Variants in EVL observed in about 807,000 individuals in gnomAD.
EVL encodes the protein Enah/Vasp-like.
A neutral mutation model predicts 59.6 loss-of-function variants in EVL; 21 were observed. That is an observed-to-expected ratio of 0.35 (90% CI 0.25 to 0.51). The LOEUF (loss-of-function observed/expected upper bound fraction) is 0.51, where lower values mean the gene tolerates loss of function less well. Among genes scored for constraint, EVL ranks in the 20% least tolerant of loss-of-function variants. EVL has a pLI of 0.97. For synonymous variants in EVL, 198 were observed against 203.5 expected (o/e 0.97, Z 0.23); for missense variants, 462 against 546.6 (o/e 0.85, Z 1.54).
chr14:100,137,398 A>T (rs2295858), intron 9 of EVL, 180 bp from the exon 10 acceptor site: 41,317 of 629,854 alleles, frequency 0.066, 2,598 homozygotes, highest in African/African-American at 0.23. Context: ...AACCTGACCT[A>T]GGCCATGGGG....
upstream of EVL, among the ~76,000 whole-genome samples, chr14:100,062,482 C>T (rs1813911275): frequency 6.6e-6 from 1 of 151,186 alleles, no homozygotes; most frequent in African/African-American, 2.4e-5. Flanking sequence ...AAATGGAATT[C>T]TGAAAAGTAT....
chr14:100,068,461 T>C (rs1276134030), intron 1 of EVL, among the ~76,000 whole-genome samples: 1 of 152,088 alleles, frequency 6.6e-6, no homozygotes, highest in Non-Finnish European at 1.5e-5. Flanking sequence ...GGGAAAGACA[T>C]CTCATAGAAG....
In EVL at chr14:99,971,704, C is replaced by G. The variant is rs533578324; in HGVS notation, c.-349C>G. Reference sequence around the variant, plus strand: ...CCCGAGTCTCAGGCGGACGCGCACGCGTTCCCGCCGCCCGGACCCCAGCCG... The same window carrying G: ...CCCGAGTCTCAGGCGGACGCGCACGGGTTCCCGCCGCCCGGACCCCAGCCG... On this transcript the variant is annotated 5_prime_UTR_variant, in exon 1 of 14. Transcript: ENST00000402714. 8 of 149,298 alleles carry G rather than the reference C, an allele frequency of 5.4e-5. No individual in the cohort carries two copies. The South Asian group carries it at 1.7e-3, about 31-fold the overall frequency. The allele number at this position is 149,298 out of a possible 1,614,324, so 9.2% of individuals were successfully genotyped here.
chr14:100,103,166 T>C (rs1204709046), intron 3 of EVL, among the ~76,000 whole-genome samples: 1 of 147,360 alleles, frequency 6.8e-6, no homozygotes, highest in East Asian at 2.0e-4. Flanking sequence ...TAAGAGGTTG[T>C]CATTTTATAT....
chr14:100,041,799 CTGTTTTTTATTTGTGTGCCAA>C (rs2061471562), intron 1 of EVL, among the ~76,000 whole-genome samples: 1 of 152,136 alleles, frequency 6.6e-6, no homozygotes, highest in Non-Finnish European at 1.5e-5. Flanking sequence ...TTTTGGTGAA[CTGTTTTTTATTTGTGTGCCAA>C]TAGTAATACC....
chr14:100,097,396 A>G (rs1885891088), intron 2 of EVL, 85 bp from the exon 3 acceptor site: 1 of 1,203,072 alleles, frequency 8.3e-7, no homozygotes. Context: ...TCTCAAGGAT[A>G]CAGTATACTT....
chr14:100,044,117 C>A (rs182518946), intron 1 of EVL, among the ~76,000 whole-genome samples: 1 of 152,154 alleles, frequency 6.6e-6, no homozygotes, highest in Non-Finnish European at 1.5e-5. Flanking sequence ...TTCCTTAATC[C>A]GGTCAAGTTG....
intron 2 of EVL, chr14:100,096,983 G>T (rs2140319414): frequency 6.4e-6 from 1 of 156,004 alleles, no homozygotes; most frequent in South Asian, 1.9e-4. Context: ...CTATGCAGAG[G>T]GCTATAGGAG....
chr14:100,041,492 T>C (rs12434008), intron 1 of EVL, among the ~76,000 whole-genome samples: 5,541 of 152,314 alleles, frequency 0.036, 287 homozygotes, highest in African/African-American at 0.11. Context: ...GACCTAGGTC[T>C]ATGCCGCTTG....
intron 3 of EVL, among the ~76,000 whole-genome samples, chr14:100,118,998 GTCC>G (rs1887527687): frequency 1.3e-5 from 2 of 152,342 alleles, no homozygotes; most frequent in Middle Eastern, 6.8e-3. Context: ...CTCAGCCTCT[GTCC>G]TCCTGCAGCT....
At chr14:100,113,633 G>A (rs1165453779) in intron 3 of EVL, among the ~76,000 whole-genome samples, 1 of 152,168 alleles carries the variant, frequency 6.6e-6, no homozygotes, top group Non-Finnish European at 1.5e-5. Context: ...CCCCCACAAG[G>A]CAGCAAGTGT....
At chr14:100,047,312 T>C (rs2061570109) in intron 1 of EVL, among the ~76,000 whole-genome samples, 1 of 151,732 alleles carries the variant, frequency 6.6e-6, no homozygotes, top group African/African-American at 2.4e-5. Flanking sequence ...CAAACCAAAA[T>C]AGTTTTCCTG....
chr14:99,976,679 C>T (rs2060772532), intron 1 of EVL, among the ~76,000 whole-genome samples: 1 of 152,124 alleles, frequency 6.6e-6, no homozygotes, highest in Non-Finnish European at 1.5e-5. Flanking sequence ...TTACAATTGG[C>T]GTTGCCTTCA....
At chr14:100,022,225 C>T (rs191539204) in intron 1 of EVL, among the ~76,000 whole-genome samples, 40 of 152,012 alleles carry the variant, frequency 2.6e-4, no homozygotes, top group African/African-American at 7.5e-4. Context: ...TGGACACGCT[C>T]CTCCACACAT....
intron 11 of EVL, 118 bp from the exon 12 acceptor site, chr14:100,141,062 A>G (rs1889134288): frequency 1.1e-6 from 1 of 910,970 alleles, no homozygotes; most frequent in African/African-American, 1.7e-5. Context: ...GTCTGAAGCA[A>G]GCAGCCTCTA....
rs777224469 is a variant in EVL at position 100,123,553 on chromosome 14, C to A, written c.373C>A (p.Arg125Ser). The change falls in exon 4 of 14, where the codon CGT becomes AGT. Residue 125 changes from arginine to serine, a missense_variant. Physicochemically the swap from Arg to Ser is moderately radical, Grantham distance 110 (BLOSUM62 -1). Transcript: ENST00000392920. ...TCTGCCCACAGGCCCCTCCAGCCAG[C>A]GTCAGGTGCAGAATGGCCCCTCTCC... ...NSQEGGPSSQ[R>S]QVQNGPSPDE... The A allele has an allele frequency of 6.2e-7, 1 of 1,614,132 alleles. No individual in the cohort carries two copies. Among genetic ancestry groups the A allele is most frequent in the Non-Finnish European group, 8.5e-7 (1 of 1,179,992 alleles).
intron 1 of EVL, among the ~76,000 whole-genome samples, chr14:100,083,230 C>T (rs1008874077): frequency 2.6e-5 from 4 of 152,160 alleles, no homozygotes; most frequent in African/African-American, 7.2e-5. Flanking sequence ...ACCTACTTGT[C>T]GACTGTCACA....
At chr14:100,124,310 G>C (rs991480832) in intron 4 of EVL, among the ~76,000 whole-genome samples, 1 of 152,182 alleles carries the variant, frequency 6.6e-6, no homozygotes, top group Admixed American at 6.5e-5. Flanking sequence ...TCCAGCCCTG[G>C]ACTAGGAGTC....
intron 3 of EVL, among the ~76,000 whole-genome samples, chr14:100,120,990 T>C (rs570017813): frequency 5.6e-4 from 85 of 152,226 alleles, no homozygotes; most frequent in African/African-American, 2.0e-3. Flanking sequence ...ACTCCCACCA[T>C]CCCCATCGCC....
Sources: allele counts gnomAD v4.1 joint callset (sites outside exome capture counted in the v4.1 genomes callset), GRCh38; gene constraint gnomAD v4.1.1; transcripts MANE v1.5; gene names NCBI Gene and HGNC (gene_info 2026-07-23, HGNC 2026-07-21).